Variants in PDE1C observed in about 807,000 individuals in gnomAD.
PDE1C encodes phosphodiesterase 1C.
PDE1C carries 62 observed loss-of-function variants against 93.1 expected under a neutral mutation model. The ratio of observed to expected loss-of-function variants is 0.67; its 90% CI spans 0.54 to 0.82. The LOEUF (loss-of-function observed/expected upper bound fraction) is 0.82. PDE1C is among the 40% of genes least tolerant of loss of function. The pLI is 0.00. For synonymous variants in PDE1C, 325 were observed against 310.1 expected (o/e 1.05, Z -0.50); for missense variants, 742 against 884.6 (o/e 0.84, Z 2.04).
chr7:31,991,212 G>C (rs773417574), intron 2 of PDE1C, among the ~76,000 whole-genome samples: 12 of 152,240 alleles, frequency 7.9e-5, no homozygotes, highest in Middle Eastern at 6.8e-3. Context: ...AGTTAATAGT[G>C]CCTACATTCT....
chr7:32,128,906 AATATATAT>A (rs763801947), intron 3 of PDE1C, among the ~76,000 whole-genome samples: 1,655 of 55,832 alleles, frequency 0.03, 69 homozygotes, highest in Middle Eastern at 0.052. Context: ...AAGTATAACA[AATATATAT>A]ATATATATAT....
intron 1 of PDE1C, among the ~76,000 whole-genome samples, chr7:32,401,042 T>C (rs1387636407): frequency 6.6e-6 from 1 of 152,236 alleles, no homozygotes; most frequent in Non-Finnish European, 1.5e-5. Context: ...TTTCACACTT[T>C]GTTAAAGGTC....
chr7:32,339,384 G>C (rs1215539101), intron 1 of PDE1C, among the ~76,000 whole-genome samples: 1 of 152,066 alleles, frequency 6.6e-6, no homozygotes, highest in African/African-American at 2.4e-5. Flanking sequence ...TTGTTTAATG[G>C]GTATAGAGTT....
At chr7:31,623,798 G>C in the PDE1C span, among the ~76,000 whole-genome samples, 3 of 152,086 alleles carry the variant, frequency 2.0e-5, no homozygotes, top group Admixed American at 1.3e-4. Flanking sequence ...AGGAAATAAA[G>C]GGTATTCAAT....
the PDE1C span, among the ~76,000 whole-genome samples, chr7:31,712,911 A>G: frequency 7.9e-5 from 12 of 152,136 alleles, no homozygotes; most frequent in African/African-American, 2.9e-4. Context: ...CCAAGATTCA[A>G]TTACCTCCCA....
chr7:31,705,248 G>A, the PDE1C span, among the ~76,000 whole-genome samples: 3 of 152,206 alleles, frequency 2.0e-5, no homozygotes, highest in South Asian at 2.1e-4. Context: ...TAAGTTTCCA[G>A]GGTACCAAAA....
chr7:31,755,894 G>A (rs376649096), intron 17 of PDE1C, among the ~76,000 whole-genome samples: 22 of 152,160 alleles, frequency 1.4e-4, no homozygotes, highest in East Asian at 3.9e-4. Context: ...GGCTTGGCAC[G>A]GTGGCTCATG....
chr7:31,979,458 T>C (rs912719552), intron 2 of PDE1C, among the ~76,000 whole-genome samples: 29 of 152,192 alleles, frequency 1.9e-4, no homozygotes, highest in Admixed American at 1.9e-3. Flanking sequence ...TTTTCACATA[T>C]TAATTCATCT....
chr7:31,701,305 A>T, the PDE1C span, among the ~76,000 whole-genome samples: 1 of 152,170 alleles, frequency 6.6e-6, no homozygotes, highest in South Asian at 2.1e-4. Context: ...TCAGTGGAGG[A>T]CGTAACTGCA....
rs1786104780 is a variant in PDE1C, at chr7:32,005,569, A to AC, written c.128+45984_128+45985insG. 3.3e-5 allele frequency among the ~76,000 whole-genome samples: 5 copies of AC among 149,518 alleles called. 1 individual carries two copies. The highest frequency in any genetic ancestry group is 7.4e-5 in the African/African-American group (3 of 40,308). ...AGACTCCATTTCAAAAAAAAAAAAA[A>AC]AAAAAAAAAAAAGAATTGTGATCTG... is the stretch of plus-strand genomic sequence containing the variant. On this transcript the variant is annotated intron_variant, in intron 2 of 17. Coordinates refer to ENST00000396191, the MANE Select transcript of PDE1C (RefSeq NM_001191057.4).
At chr7:32,266,817 A>T (rs1416462862) in intron 1 of PDE1C, among the ~76,000 whole-genome samples, 1 of 139,292 alleles carries the variant, frequency 7.2e-6, no homozygotes, top group Non-Finnish European at 1.5e-5. Flanking sequence ...CTCCAACAAG[A>T]GTGTCTTAGC....
At chr7:32,200,495 A>G (rs1167616694) in intron 2 of PDE1C, among the ~76,000 whole-genome samples, 2 of 152,100 alleles carry the variant, frequency 1.3e-5, no homozygotes, top group Non-Finnish European at 2.9e-5. Context: ...TGTTTTCCTG[A>G]TCTCTCTTTT....
chr7:31,838,851 A>G (rs1043313170), intron 9 of PDE1C, among the ~76,000 whole-genome samples: 1 of 152,062 alleles, frequency 6.6e-6, no homozygotes, highest in African/African-American at 2.4e-5. Context: ...TGTAATCATG[A>G]TACCAAATAC....
the PDE1C span, among the ~76,000 whole-genome samples, chr7:31,669,640 G>T: frequency 1.1e-4 from 17 of 152,134 alleles, no homozygotes; most frequent in African/African-American, 4.1e-4. Flanking sequence ...CAATAAGGCA[G>T]AAAAATAGAA....
chr7:32,240,547 C>T (rs187340245), intron 1 of PDE1C, among the ~76,000 whole-genome samples: 6 of 152,186 alleles, frequency 3.9e-5, no homozygotes, highest in Non-Finnish European at 8.8e-5. Context: ...AACAAAGTCT[C>T]TGACACAGAA....
In PDE1C at chr7:31,811,198, G is replaced by A. The variant is rs145256039; in HGVS notation, c.1814-2090C>T. Among the ~76,000 whole-genome samples, 540 of 152,154 alleles carry A rather than the reference G, an allele frequency of 3.5e-3. 4 individuals carry two copies. The highest frequency in any genetic ancestry group is 0.012 in the African/African-American group (513 of 41,514). ...TCTGGTGGCTTCATAAGGAAAAACCGCTTTTGCTTGGTTCTCATTCTTTCT... is the reference window on the plus strand; with the variant it reads ...TCTGGTGGCTTCATAAGGAAAAACCACTTTTGCTTGGTTCTCATTCTTTCT... On this transcript the variant is annotated intron_variant, in intron 15 of 17. Coordinates refer to ENST00000396191, the MANE Select transcript of PDE1C (RefSeq NM_001191057.4).
At chr7:31,766,301 G>C (rs1172879543) in intron 17 of PDE1C, among the ~76,000 whole-genome samples, 3 of 151,728 alleles carry the variant, frequency 2.0e-5, no homozygotes, top group African/African-American at 7.3e-5. Context: ...GGAGAATGGC[G>C]TGAACCTGGG....
At chr7:31,617,708 C>T in the PDE1C span, among the ~76,000 whole-genome samples, 25 of 152,012 alleles carry the variant, frequency 1.6e-4, no homozygotes, top group South Asian at 4.2e-4. Context: ...GTGCTCCCTC[C>T]GACCCCCACA....
At chr7:31,668,720 T>C in the PDE1C span, among the ~76,000 whole-genome samples, 1 of 152,146 alleles carries the variant, frequency 6.6e-6, no homozygotes, top group African/African-American at 2.4e-5. Flanking sequence ...AGGAGGTTTC[T>C]TTGGGGGATG....
Sources: gnomAD v4.1 joint callset for allele counts (sites outside exome capture counted in the v4.1 genomes callset) on GRCh38, gnomAD v4.1.1 for gene constraint, MANE v1.5 for transcripts, NCBI Gene and HGNC (gene_info 2026-07-23, HGNC 2026-07-21) for gene names.